ERBIN: variants seen among roughly 807,000 people sequenced by gnomAD.
The protein encoded by ERBIN is densin-180-like protein.
In ERBIN, 60 loss-of-function variants were observed where a neutral mutation model predicts 158.4. The ratio of observed to expected loss-of-function variants is 0.38; its 90% CI spans 0.31 to 0.47. The LOEUF is 0.47. ERBIN is among the 20% of genes least tolerant of loss of function. The probability of loss-of-function intolerance (pLI) is 0.99; values close to 1 mark genes in which losing one functional copy is unlikely to be tolerated. For synonymous variants in ERBIN, 594 were observed against 557.2 expected, an observed-to-expected ratio of 1.07 and a Z score of -0.93; for missense variants, 1,610 against 1,648.0, an observed-to-expected ratio of 0.98 and a Z score of 0.40.
rs2150990002 is a variant in ERBIN, at chr5:65,972,817, TAAG to T, written c.-57-15817_-57-15815del. ...TTAACCTTTGAAAATCCTGCTGTAA[TAAG>T]GTGTTGAGAGTGATCTAGCTTTCTT... On this transcript the variant is annotated intron_variant, in intron 1 of 25. Coordinates refer to ENST00000284037, the MANE Select transcript of ERBIN (RefSeq NM_001253697.2). Among the ~76,000 whole-genome samples the T allele has an allele frequency of 1.3e-5, 2 of 151,508 alleles. 1 individual carries two copies. Among genetic ancestry groups the T allele is most frequent in the African/African-American group, 4.9e-5 (2 of 40,788 alleles).
chr5:66,038,543 T>G, intron 15 of ERBIN, 61 bp downstream of exon 15: 1 of 1,284,376 alleles, frequency 7.8e-7, no homozygotes, highest in Non-Finnish European at 1.1e-6. Context: ...AGGTGTGAAG[T>G]GAACTTTAAG....
chr5:65,990,718 G>A (rs887325939), intron 2 of ERBIN, among the ~76,000 whole-genome samples: 13 of 151,928 alleles, frequency 8.6e-5, no homozygotes, highest in African/African-American at 3.1e-4. Flanking sequence ...AAAGAACTTA[G>A]CACAGTGCCT....
At chr5:66,034,940 G>C (rs902496370) in intron 14 of ERBIN, among the ~76,000 whole-genome samples, 19 of 152,168 alleles carry the variant, frequency 1.2e-4, no homozygotes, top group South Asian at 8.3e-4. Flanking sequence ...GGAGTAAATG[G>C]TGGGAAGAAT....
Position 66,044,621 on chromosome 5 carries a change from T to C in ERBIN, c.1602+311T>C, listed in dbSNP as rs191147088. On this transcript the variant is annotated intron_variant, in intron 17 of 25. Transcript: ENST00000284037. ...CTCAACTAAAAGTACAAAAATTAGC[T>C]GGGCGTGGTGGTGGGCACCAGTAAT... Among the ~76,000 whole-genome samples, 665 of 151,900 alleles carry C rather than the reference T, an allele frequency of 4.4e-3. 5 individuals carry two copies. Among genetic ancestry groups the C allele is most frequent in the African/African-American group, 0.016 (642 of 41,416 alleles).
At chr5:65,998,843 C>T (rs1465988081) in intron 4 of ERBIN, among the ~76,000 whole-genome samples, 1 of 147,350 alleles carries the variant, frequency 6.8e-6, no homozygotes, top group Non-Finnish European at 1.5e-5. Context: ...TGCGGTAAGC[C>T]GTGATCATGC....
At chr5:65,990,289 A>G (rs1490115714) in intron 2 of ERBIN, among the ~76,000 whole-genome samples, 1 of 152,242 alleles carries the variant, frequency 6.6e-6, no homozygotes, top group Non-Finnish European at 1.5e-5. Flanking sequence ...ATAACAGCAC[A>G]TATCTTAGAA....
intron 1 of ERBIN, among the ~76,000 whole-genome samples, chr5:65,965,382 GTTTTTTTTTTTTTTTTTTTTT>G (rs200847060): frequency 7.3e-5 from 7 of 96,062 alleles, no homozygotes; most frequent in Admixed American, 3.6e-4. Context: ...GTTTTTTGTT[GTTTTTTTTTTTTTTTTTTTTT>G]TTTTTTTTTT....
chr5:65,999,556 A>G (rs1752811144), intron 4 of ERBIN, among the ~76,000 whole-genome samples: 1 of 152,188 alleles, frequency 6.6e-6, no homozygotes, highest in African/African-American at 2.4e-5. Flanking sequence ...ATGCTCTTTT[A>G]AACTCTTTAG....
chr5:65,972,944 G>A (rs1749428566), intron 1 of ERBIN, among the ~76,000 whole-genome samples: 1 of 151,116 alleles, frequency 6.6e-6, no homozygotes, highest in African/African-American at 2.5e-5. Context: ...CAATTCCTAC[G>A]TTTTTTTCGG....
intron 14 of ERBIN, among the ~76,000 whole-genome samples, chr5:66,036,420 C>A (rs555793961): frequency 3.4e-4 from 52 of 152,298 alleles, no homozygotes; most frequent in African/African-American, 1.1e-3. Context: ...TAAATCAGTT[C>A]TGCTTTCTTG....
chr5:66,026,157 T>C (rs1392483338), intron 12 of ERBIN, 145 bp from the exon 13 acceptor site: 4 of 682,554 alleles, frequency 5.9e-6, no homozygotes, highest in Non-Finnish European at 9.2e-6. Flanking sequence ...CTTATGTACA[T>C]AAAAATTAAT....
At chr5:66,006,174 A>G (rs1376557184) in intron 4 of ERBIN, among the ~76,000 whole-genome samples, 3 of 152,194 alleles carry the variant, frequency 2.0e-5, no homozygotes, top group East Asian at 3.9e-4. Flanking sequence ...AAAACAGCAT[A>G]GTACTGATAC....
chr5:66,020,811 T>C (rs374296727), intron 7 of ERBIN, among the ~76,000 whole-genome samples: 1 of 152,150 alleles, frequency 6.6e-6, no homozygotes, highest in South Asian at 2.1e-4. Context: ...TATAAAACTT[T>C]ATTTTGAATT....
chr5:66,011,919 GT>G (rs1245821413), intron 4 of ERBIN, 129 bp from the exon 5 acceptor site: 1 of 531,108 alleles, frequency 1.9e-6, no homozygotes, highest in Non-Finnish European at 3.4e-6. Flanking sequence ...TCACATTGAT[GT>G]TGTCAGTTCA....
chr5:66,046,683 T>A, intron 18 of ERBIN, 145 bp downstream of exon 18: 1 of 611,392 alleles, frequency 1.6e-6, no homozygotes. Context: ...AAAATATCAC[T>A]CACTTGTCAC....
chr5:66,038,554 T>C (rs1757618788), intron 15 of ERBIN, 72 bp downstream of exon 15: 1 of 1,142,746 alleles, frequency 8.8e-7, no homozygotes, highest in Admixed American at 2.3e-5. Flanking sequence ...GAACTTTAAG[T>C]CTCAGAGACT....
At position 65,965,373 on chromosome 5, in the gene ERBIN, T is replaced by G. The variant is rs868224712; in HGVS notation, c.-57-23262T>G. 1.4e-4 allele frequency among the ~76,000 whole-genome samples: 18 copies of G among 132,190 alleles called. 1 individual carries two copies. Among genetic ancestry groups the G allele is most frequent in the African/African-American group, 6.0e-4 (17 of 28,304 alleles). 86.7% of individuals were successfully genotyped at this position (132,190 alleles called of 152,430 possible). A position where few individuals can be genotyped will look rare whatever the true frequency, so the allele number is the denominator to read the frequency against. ...TGACAGGCTGTTCTTACCAGATTTGTTTTTTGTTGTTTTTTTTTTTTTTTT... is the reference window on the plus strand; with the variant it reads ...TGACAGGCTGTTCTTACCAGATTTGGTTTTTGTTGTTTTTTTTTTTTTTTT... On this transcript the variant is annotated intron_variant, in intron 1 of 25. Transcript: ENST00000284037.
intron 1 of ERBIN, among the ~76,000 whole-genome samples, chr5:65,942,042 C>G (rs979087688): frequency 1.3e-5 from 2 of 151,554 alleles, no homozygotes; most frequent in Non-Finnish European, 2.9e-5. Flanking sequence ...GTCTGGCCCT[C>G]TTTCTTGTAA....
chr5:65,973,433 A>T (rs1221272851), intron 1 of ERBIN, among the ~76,000 whole-genome samples: 3 of 151,250 alleles, frequency 2.0e-5, no homozygotes, highest in Non-Finnish European at 1.5e-5. Flanking sequence ...AATTAAAAAA[A>T]AGAAATTAGG....
Sources: gnomAD v4.1 joint callset for allele counts (sites outside exome capture counted in the v4.1 genomes callset) on GRCh38, gnomAD v4.1.1 for gene constraint, MANE v1.5 for transcripts, NCBI Gene and HGNC (gene_info 2026-07-23, HGNC 2026-07-21) for gene names.